The following NME7 variants were observed in gnomAD, a reference collection of about 807,000 sequenced individuals.
The protein encoded by NME7 is nucleoside diphosphate kinase 7.
In NME7, 41 loss-of-function variants were observed where a neutral mutation model predicts 49.1. The ratio of observed to expected loss-of-function variants is 0.83; its 90% CI spans 0.65 to 1.08. The LOEUF (loss-of-function observed/expected upper bound fraction) is 1.08. Ranked by LOEUF, NME7 falls within the 50% of genes least tolerant of loss-of-function variation. The probability of loss-of-function intolerance (pLI) is 0.00; values close to 1 mark genes in which losing one functional copy is unlikely to be tolerated. For synonymous variants in NME7, 139 were observed against 150.6 expected, an observed-to-expected ratio of 0.92 and a Z score of 0.56; for missense variants, 423 against 463.4, an observed-to-expected ratio of 0.91 and a Z score of 0.80.
intron 5 of NME7, among the ~76,000 whole-genome samples, chr1:169,299,684 A>G (rs1650864525): frequency 6.6e-6 from 1 of 152,024 alleles, no homozygotes; most frequent in South Asian, 2.1e-4. Flanking sequence ...GTTATATGTC[A>G]GCTCCCCTCA....
chr1:169,252,358 C>T (rs1321994339), intron 7 of NME7, among the ~76,000 whole-genome samples: 1 of 151,940 alleles, frequency 6.6e-6, no homozygotes, highest in Non-Finnish European at 1.5e-5. Context: ...ATAAATGTCT[C>T]CTTTTGAGAA....
At chr1:169,261,216 G>A (rs1649152800) in intron 7 of NME7, among the ~76,000 whole-genome samples, 1 of 134,080 alleles carries the variant, frequency 7.5e-6, no homozygotes. Context: ...GATATTTATT[G>A]TTTGTGGTAT....
At chr1:169,143,156 A>G (rs1234070118) in intron 11 of NME7, among the ~76,000 whole-genome samples, 3 of 152,060 alleles carry the variant, frequency 2.0e-5, no homozygotes, top group Non-Finnish European at 4.4e-5. Context: ...GATTATGTCA[A>G]CGCCCATTCC....
chr1:169,200,881 A>G (rs1367034803), intron 10 of NME7, among the ~76,000 whole-genome samples: 2 of 152,262 alleles, frequency 1.3e-5, no homozygotes, highest in African/African-American at 4.8e-5. Flanking sequence ...TTCAATGGCA[A>G]TCATCTGATG....
intron 11 of NME7, among the ~76,000 whole-genome samples, chr1:169,148,054 G>A (rs1449156971): frequency 6.6e-6 from 1 of 151,792 alleles, no homozygotes; most frequent in East Asian, 1.9e-4. Context: ...CCAGGCTGGA[G>A]TGCAGTGCTT....
intron 1 of NME7, among the ~76,000 whole-genome samples, chr1:169,326,613 A>G (rs1652068365): frequency 6.6e-6 from 1 of 152,144 alleles, no homozygotes; most frequent in African/African-American, 2.4e-5. Context: ...TTGGAAACGA[A>G]CTCCCAAGCT....
intron 7 of NME7, among the ~76,000 whole-genome samples, chr1:169,275,401 C>T (rs1340554675): frequency 8.3e-6 from 1 of 120,912 alleles, no homozygotes; most frequent in East Asian, 2.1e-4. Flanking sequence ...ATGGCGTGAA[C>T]CCGGGAGGCG....
chr1:169,181,357 A>C (rs1223761428), intron 10 of NME7, among the ~76,000 whole-genome samples: 1 of 135,622 alleles, frequency 7.4e-6, no homozygotes, highest in East Asian at 2.6e-4. Flanking sequence ...CAGCTCCCTC[A>C]AATTCCTACA....
intron 10 of NME7, among the ~76,000 whole-genome samples, chr1:169,226,522 A>G (rs1006894418): frequency 6.6e-6 from 1 of 152,152 alleles, no homozygotes; most frequent in Non-Finnish European, 1.5e-5. Flanking sequence ...TGTAACTACT[A>G]TAGTATTTCT....
chr1:169,366,487 G>A (rs1653859262), intron 1 of NME7, among the ~76,000 whole-genome samples: 1 of 152,194 alleles, frequency 6.6e-6, no homozygotes, highest in African/African-American at 2.4e-5. Context: ...TTCATAAGAT[G>A]TGTGACTTGA....
chr1:169,234,791 T>C (rs1410020197), intron 9 of NME7, among the ~76,000 whole-genome samples: 1 of 152,056 alleles, frequency 6.6e-6, no homozygotes, highest in South Asian at 2.1e-4. Context: ...TTGGGAGATA[T>C]GAAAGGTATA....
At chr1:169,150,628 C>A (rs1451280300) in intron 11 of NME7, among the ~76,000 whole-genome samples, 1 of 152,108 alleles carries the variant, frequency 6.6e-6, no homozygotes, top group Non-Finnish European at 1.5e-5. Context: ...AACATGTATT[C>A]TCACTTCCTT....
rs555028630 is a variant in NME7 at position 169,355,996 on chromosome 1, T to G, written c.3+11712A>C. Among the ~76,000 whole-genome samples, 4 of 152,244 alleles carry G rather than the reference T, an allele frequency of 2.6e-5. No individual in the cohort carries two copies. In the South Asian group the frequency reaches 6.2e-4, roughly 24 times the overall value. ...GTTTTTGACCCATAATTCTAGATTT[T>G]TCTCTAGAGGTGAACAGCCCTTGAT... is the stretch of plus-strand genomic sequence containing the variant. On this transcript the variant is annotated intron_variant, in intron 1 of 11. Coordinates refer to ENST00000367811, the MANE Select transcript of NME7 (RefSeq NM_013330.5).
At chr1:169,325,266 A>T (rs1652018927) in intron 1 of NME7, among the ~76,000 whole-genome samples, 1 of 152,174 alleles carries the variant, frequency 6.6e-6, no homozygotes, top group Non-Finnish European at 1.5e-5. Flanking sequence ...GAAGTGCTAG[A>T]GCCAGGTGAC....
intron 1 of NME7, among the ~76,000 whole-genome samples, chr1:169,331,234 T>C (rs553715558): frequency 6.6e-6 from 1 of 152,308 alleles, no homozygotes; most frequent in East Asian, 1.9e-4. Flanking sequence ...TGTCCATTGA[T>C]GTTGTAAAAG....
At chr1:169,136,899 T>C (rs745561334) in intron 11 of NME7, among the ~76,000 whole-genome samples, 4 of 152,224 alleles carry the variant, frequency 2.6e-5, no homozygotes, top group Non-Finnish European at 5.9e-5. Context: ...TTCCAATGGT[T>C]TTTAATGTTG....
intron 11 of NME7, chr1:169,168,855 C>T (rs546433413): frequency 4.6e-4 from 210 of 456,136 alleles, no homozygotes; most frequent in African/African-American, 3.6e-3. Context: ...ACAAAGTTCA[C>T]CCAAGAGTTT....
intron 7 of NME7, among the ~76,000 whole-genome samples, chr1:169,241,551 T>C (rs1445165610): frequency 1.3e-5 from 2 of 152,016 alleles, no homozygotes; most frequent in Non-Finnish European, 2.9e-5. Context: ...AAGAAATTTA[T>C]AATCTATATC....
At chr1:169,143,011 C>T (rs1018918484) in intron 11 of NME7, among the ~76,000 whole-genome samples, 6 of 152,126 alleles carry the variant, frequency 3.9e-5, no homozygotes, top group African/African-American at 1.4e-4. Context: ...TTTATAACAA[C>T]CCATAAATTA....
Sources: allele counts gnomAD v4.1 joint callset (sites outside exome capture counted in the v4.1 genomes callset), GRCh38; gene constraint gnomAD v4.1.1; transcripts MANE v1.5; gene names NCBI Gene and HGNC (gene_info 2026-07-23, HGNC 2026-07-21).